Variants in CHCHD6 observed in about 807,000 individuals in gnomAD.
The protein encoded by CHCHD6 is coiled-coil-helix-coiled-coil-helix domain containing 6.
In CHCHD6, 28 loss-of-function variants were observed where a neutral mutation model predicts 32.3. The ratio of observed to expected loss-of-function variants is 0.87; its 90% CI spans 0.64 to 1.19. The LOEUF is 1.19. Ranked by LOEUF, CHCHD6 falls within the 50% of genes most tolerant of loss-of-function variation. CHCHD6 has a pLI of 0.00. For synonymous variants in CHCHD6, 122 were observed against 117.5 expected, an observed-to-expected ratio of 1.04 and a Z score of -0.25; for missense variants, 333 against 307.0, an observed-to-expected ratio of 1.08 and a Z score of -0.63.
In CHCHD6 at chr3:126,745,994, C is replaced by A. The variant is rs114453199; in HGVS notation, c.411+12772C>A. Among the ~76,000 whole-genome samples, 541 of 152,330 alleles carry A rather than the reference C, an allele frequency of 3.6e-3. 12 individuals are homozygous for A. The highest frequency in any genetic ancestry group is 0.013 in the African/African-American group (525 of 41,566). ...TACACTTGGTGGCATCTCCTCCTTCCTTATCAAATCTTGGCGAGGCTTCTC... is the reference window on the plus strand; with the variant it reads ...TACACTTGGTGGCATCTCCTCCTTCATTATCAAATCTTGGCGAGGCTTCTC... On this transcript the variant is annotated intron_variant, in intron 4 of 7. Coordinates refer to ENST00000290913, the MANE Select transcript of CHCHD6 (RefSeq NM_032343.3).
intron 5 of CHCHD6, among the ~76,000 whole-genome samples, chr3:126,910,569 C>T (rs1333980494): frequency 1.3e-5 from 2 of 152,218 alleles, no homozygotes; most frequent in African/African-American, 4.8e-5. Flanking sequence ...AAAATGGATA[C>T]ACCCTTTGAC....
Position 126,780,444 on chromosome 3 carries a change from T to C in CHCHD6, c.411+47222T>C, listed in dbSNP as rs74685674. On this transcript the variant is annotated intron_variant, in intron 4 of 7. Transcript: ENST00000290913. ...TCCCTGCCTTGGGTAAGAGTTGTTA[T>C]TGATTTCTTCTGTGTTCGTCCAGAG... 4 of 347,780 alleles carry C rather than the reference T, an allele frequency of 1.2e-5. No individual in the cohort carries two copies. In the Admixed American group the frequency reaches 1.6e-4, roughly 14 times the overall value. 21.5% of individuals were successfully genotyped at this position (347,780 alleles called of 1,614,324 possible).
At chr3:126,835,761 C>G (rs1940833337) in intron 4 of CHCHD6, among the ~76,000 whole-genome samples, 1 of 152,230 alleles carries the variant, frequency 6.6e-6, no homozygotes. Flanking sequence ...TGAGTAAGCT[C>G]TGCTTTACCC....
At chr3:126,946,150 G>A (rs1382919672) in intron 6 of CHCHD6, among the ~76,000 whole-genome samples, 1 of 152,118 alleles carries the variant, frequency 6.6e-6, no homozygotes, top group African/African-American at 2.4e-5. Flanking sequence ...CTCATTGGCA[G>A]AAACAGCGCC....
At chr3:126,864,499 C>T (rs1033473101) in intron 5 of CHCHD6, among the ~76,000 whole-genome samples, 1 of 150,656 alleles carries the variant, frequency 6.6e-6, no homozygotes, top group South Asian at 2.1e-4. Context: ...GCACCATCAC[C>T]ACCATCACCT....
At chr3:126,835,639 T>C (rs528278461) in intron 4 of CHCHD6, among the ~76,000 whole-genome samples, 13 of 152,360 alleles carry the variant, frequency 8.5e-5, no homozygotes, top group Middle Eastern at 3.4e-3. Flanking sequence ...GCAACTTCTC[T>C]GAACTCTTAC....
intron 6 of CHCHD6, among the ~76,000 whole-genome samples, chr3:126,939,058 C>CT (rs2078522275): frequency 6.6e-6 from 1 of 152,160 alleles, no homozygotes; most frequent in Non-Finnish European, 1.5e-5. Context: ...TTATGACTCT[C>CT]TTTTTATAGA....
rs575776249 is a variant in CHCHD6 at position 126,801,442 on chromosome 3, C to T, written c.412-51205C>T. On this transcript the variant is annotated intron_variant, in intron 4 of 7. Coordinates refer to ENST00000290913, the MANE Select transcript of CHCHD6 (RefSeq NM_032343.3). ...CCTGGCTCGGAGGATCCTACGCCCACGGAGTCTTGCTGATTGCTAGCACAG... is the reference window on the plus strand; with the variant it reads ...CCTGGCTCGGAGGATCCTACGCCCATGGAGTCTTGCTGATTGCTAGCACAG... Among the ~76,000 whole-genome samples, 9 of 152,320 alleles carry T rather than the reference C, an allele frequency of 5.9e-5. No homozygotes were observed. In the East Asian group the frequency reaches 7.7e-4, roughly 13 times the overall value.
At chr3:126,875,269 C>T (rs2077525394) in intron 5 of CHCHD6, among the ~76,000 whole-genome samples, 1 of 152,246 alleles carries the variant, frequency 6.6e-6, no homozygotes, top group Non-Finnish European at 1.5e-5. Context: ...CTGCATGGGT[C>T]CTGGGGAACC....
intron 4 of CHCHD6, among the ~76,000 whole-genome samples, chr3:126,803,907 A>G (rs566517977): frequency 6.6e-6 from 1 of 152,304 alleles, no homozygotes; most frequent in Non-Finnish European, 1.5e-5. Context: ...GGATTAAGAA[A>G]CTCACTCAAA....
At chr3:126,889,072 G>A (rs2077717882) in intron 5 of CHCHD6, among the ~76,000 whole-genome samples, 1 of 152,214 alleles carries the variant, frequency 6.6e-6, no homozygotes, top group Non-Finnish European at 1.5e-5. Flanking sequence ...TTGGTGTGGG[G>A]AACTGCAGAA....
intron 5 of CHCHD6, among the ~76,000 whole-genome samples, chr3:126,866,056 A>G (rs1942281331): frequency 6.6e-6 from 1 of 152,116 alleles, no homozygotes; most frequent in South Asian, 2.1e-4. Flanking sequence ...GGACACTGAG[A>G]GGTTAAGAGT....
At chr3:126,954,686 C>T (rs981594335) in intron 6 of CHCHD6, among the ~76,000 whole-genome samples, 4 of 152,158 alleles carry the variant, frequency 2.6e-5, no homozygotes, top group Non-Finnish European at 5.9e-5. Flanking sequence ...ACCAGGCTCA[C>T]CAGGGCCCCA....
intron 4 of CHCHD6, among the ~76,000 whole-genome samples, chr3:126,757,586 A>G (rs1005125381): frequency 6.6e-6 from 1 of 152,244 alleles, no homozygotes; most frequent in African/African-American, 2.4e-5. Context: ...AATAGGACAC[A>G]CCACTTTTGC....
At chr3:126,898,082 T>C (rs2077866377) in intron 5 of CHCHD6, among the ~76,000 whole-genome samples, 1 of 152,156 alleles carries the variant, frequency 6.6e-6, no homozygotes, top group South Asian at 2.1e-4. Context: ...CCATTAGAGT[T>C]TTCACAGGCT....
At chr3:126,933,974 C>A (rs2078441654) in intron 6 of CHCHD6, among the ~76,000 whole-genome samples, 1 of 152,234 alleles carries the variant, frequency 6.6e-6, no homozygotes, top group South Asian at 2.1e-4. Flanking sequence ...CTGCCTATAA[C>A]CAGAGAGCTT....
intron 2 of CHCHD6, among the ~76,000 whole-genome samples, chr3:126,729,724 G>A (rs1445354865): frequency 1.3e-5 from 2 of 152,114 alleles, no homozygotes; most frequent in African/African-American, 4.8e-5. Flanking sequence ...ATCCCTGACG[G>A]GTCTGGGGTG....
At chr3:126,783,715 C>T (rs1482161663) in intron 4 of CHCHD6, among the ~76,000 whole-genome samples, 1 of 150,092 alleles carries the variant, frequency 6.7e-6, no homozygotes, top group Non-Finnish European at 1.5e-5. Context: ...GATGTTTTTC[C>T]ATTAGTGAGG....
At chr3:126,873,977 CT>C (rs1469859116) in intron 5 of CHCHD6, among the ~76,000 whole-genome samples, 1 of 152,224 alleles carries the variant, frequency 6.6e-6, no homozygotes, top group East Asian at 1.9e-4. Context: ...TGTGATTTGT[CT>C]TTTGAAAGGG....
Sources: gnomAD v4.1 joint callset for allele counts (sites outside exome capture counted in the v4.1 genomes callset) on GRCh38, gnomAD v4.1.1 for gene constraint, MANE v1.5 for transcripts, NCBI Gene and HGNC (gene_info 2026-07-23, HGNC 2026-07-21) for gene names.